PCDHGC5: variants seen among roughly 807,000 people sequenced by gnomAD.
PCDHGC5 encodes the protein protocadherin gamma-C5.
A neutral mutation model predicts 59.0 loss-of-function variants in PCDHGC5; 25 were observed. That is an observed-to-expected ratio of 0.42 (90% confidence interval 0.31 to 0.59). The LOEUF (loss-of-function observed/expected upper bound fraction) is 0.59. Ranked by LOEUF, PCDHGC5 falls within the 20% of genes least tolerant of loss-of-function variation. PCDHGC5 has a pLI of 0.13. For synonymous variants in PCDHGC5, 434 were observed against 505.5 expected, an observed-to-expected ratio of 0.86 and a Z score of 1.90; for missense variants, 1,067 against 1,206.4, an observed-to-expected ratio of 0.88 and a Z score of 1.71.
At chr5:141,509,968 C>A (rs1450809995) in intron 3 of PCDHGC5, among the ~76,000 whole-genome samples, 1 of 152,166 alleles carries the variant, frequency 6.6e-6, no homozygotes, top group Non-Finnish European at 1.5e-5. Context: ...TGGCCTTGGT[C>A]CTTCTAACAC....
At position 141,511,211 on chromosome 5, in the gene PCDHGC5, C is replaced by G; in HGVS notation, c.*38C>G. ...GCCAAGAGCCACAGGGCGGCCTCTC[C>G]CCAACCAGCCCAGCTTCTCCTTACC... On this transcript the variant is annotated 3_prime_UTR_variant, in exon 4 of 4. Transcript: ENST00000252087. The G allele has an allele frequency of 6.2e-7, 1 of 1,608,626 alleles. No individual in the cohort carries two copies. The highest frequency in any genetic ancestry group is 8.5e-7 in the Non-Finnish European group (1 of 1,177,476).
At chr5:141,504,660 C>T (rs1002186811) in intron 2 of PCDHGC5, among the ~76,000 whole-genome samples, 8 of 101,980 alleles carry the variant, frequency 7.8e-5, no homozygotes, top group Admixed American at 5.7e-4. Flanking sequence ...TGTTTGAGGG[C>T]GGGGGGTGGG....
Position 141,505,350 on chromosome 5 carries a change from G to A in PCDHGC5, c.2520-43G>A, listed in dbSNP as rs367663588. ...AGAGGACAGGAGGGGCATGAGCTGT[G>A]CCGGCCTGGGAGTCTGTGCTCACCA... On this transcript the variant is annotated intron_variant, in intron 2 of 3. Transcript: ENST00000252087. The A allele has an allele frequency of 4.3e-6, 7 of 1,613,264 alleles. No homozygotes were observed. In the African/African-American group the frequency reaches 6.7e-5, roughly 15 times the overall value.
At chr5:141,498,919 C>A (rs897611505) in intron 2 of PCDHGC5, among the ~76,000 whole-genome samples, 1 of 122,240 alleles carries the variant, frequency 8.2e-6, no homozygotes. Context: ...GGTGACAGAG[C>A]GAGACTCCAT....
chr5:141,508,241 T>G (rs1475142426), intron 3 of PCDHGC5: 2 of 152,286 alleles, frequency 1.3e-5, no homozygotes, highest in East Asian at 3.9e-4. Context: ...CTCCTAAGTC[T>G]GCCTCTCCTG....
intron 2 of PCDHGC5, among the ~76,000 whole-genome samples, chr5:141,500,431 G>A (rs1340129330): frequency 6.6e-6 from 1 of 151,476 alleles, no homozygotes; most frequent in Non-Finnish European, 1.5e-5. Flanking sequence ...GGATGGTCTC[G>A]ATCTCCTGAC....
At chr5:141,500,278 G>A (rs1338703900) in intron 2 of PCDHGC5, among the ~76,000 whole-genome samples, 2 of 150,508 alleles carry the variant, frequency 1.3e-5, no homozygotes, top group East Asian at 2.0e-4. Context: ...GCGCAATCTC[G>A]GCTCACTGCA....
Position 141,510,974 on chromosome 5 carries a change from G to T in PCDHGC5, c.2636G>T (p.Gly879Val). The T allele has an allele frequency of 6.2e-7, 1 of 1,614,150 alleles. No homozygotes were observed. The highest frequency in any genetic ancestry group is 1.1e-5 in the South Asian group (1 of 91,088). ...SEAADGSSTL[G>V]GGAGTMGLSA... ...GCTGCTGATGGGAGCTCCACCCTGG[G>T]AGGGGGTGCCGGCACCATGGGATTG... is the stretch of plus-strand genomic sequence containing the variant. The change falls in exon 4 of 4, where the codon GGA becomes GTA. Residue 879 changes from glycine (G) to valine (V), a missense_variant. Physicochemically the swap from Gly to Val is moderately radical, Grantham distance 109. Transcript: ENST00000252087.
chr5:141,492,501 G>A (rs551410616), intron 1 of PCDHGC5, among the ~76,000 whole-genome samples: 8 of 152,302 alleles, frequency 5.3e-5, no homozygotes, highest in East Asian at 1.9e-4. Flanking sequence ...CGAGGACTCC[G>A]GAGCCTCCTC....
rs1299979776 is a variant in PCDHGC5 at position 141,512,453 on chromosome 5, G to GC, written c.*1282dup. On this transcript the variant is annotated 3_prime_UTR_variant, in exon 4 of 4. Transcript: ENST00000252087. ...TCCTGAAGCCTCAGTCCTTCACCTT[G>GC]CCAGGTGCCGTTTCTCTTCCGTGAA... The GC allele has an allele frequency of 6.5e-6, 1 of 152,880 alleles. No homozygotes were observed. The allele number at this position is 152,880 out of a possible 1,614,324, so 9.5% of individuals were successfully genotyped here.
rs1256615029 is a variant in PCDHGC5 at position 141,512,740 on chromosome 5, C to T, written c.*1567C>T. ...GCGGGTGGGCAGCGGGCGGCGGGCT[C>T]CGCGCAGCCGTCTGTCCTTGATCTG... On this transcript the variant is annotated 3_prime_UTR_variant, in exon 4 of 4. Transcript: ENST00000252087. 1 of 152,788 alleles carries T rather than the reference C, an allele frequency of 6.5e-6. No individual in the cohort carries two copies. The highest frequency in any genetic ancestry group is 1.5e-5 in the Non-Finnish European group (1 of 68,570). The allele number at this position is 152,788 out of a possible 1,614,324, so 9.5% of individuals were successfully genotyped here.
In PCDHGC5 at chr5:141,511,345, TCC is replaced by T; in HGVS notation, c.*178_*179del. 1 of 1,410,484 alleles carries T rather than the reference TCC, an allele frequency of 7.1e-7. No homozygotes were observed. The highest frequency in any genetic ancestry group is 9.4e-7 in the Non-Finnish European group (1 of 1,060,658). The allele number at this position is 1,410,484 out of a possible 1,614,324, so 87.4% of individuals were successfully genotyped here. On this transcript the variant is annotated 3_prime_UTR_variant, in exon 4 of 4. Coordinates refer to ENST00000252087, the MANE Select transcript of PCDHGC5 (RefSeq NM_018929.3). ...AAGTGCCCAGTCAGCACCTACCCCT[TCC>T]CCCCCAGGGGGTTGAATATGCAAAA... is the stretch of plus-strand genomic sequence containing the variant.
At chr5:141,509,094 T>C (rs1038935185) in intron 3 of PCDHGC5, among the ~76,000 whole-genome samples, 4 of 152,152 alleles carry the variant, frequency 2.6e-5, no homozygotes, top group African/African-American at 9.7e-5. Context: ...AAATGGGGGC[T>C]GTAGAAACCT....
At position 141,491,942 on chromosome 5, in the gene PCDHGC5, C is replaced by T. The variant is rs932715298; in HGVS notation, c.2460+242C>T. 6.4e-5 allele frequency: 72 copies of T among 1,122,376 alleles called. No individual in the cohort carries two copies. Among genetic ancestry groups the T allele is most frequent in the Admixed American group, 3.5e-5 (1 of 28,738 alleles). 69.5% of individuals were successfully genotyped at this position (1,122,376 alleles called of 1,614,324 possible). A position where few individuals can be genotyped will look rare whatever the true frequency, so the allele number is the denominator to read the frequency against. ...GGCGAGGGGAGGTGGGACCGACCCC[C>T]ACCCCTACACTCAAAAAAGGCCGGG... is the stretch of plus-strand genomic sequence containing the variant. On this transcript the variant is annotated intron_variant, in intron 1 of 3. Transcript: ENST00000252087. The surrounding 1 kb of genome is among the most constrained non-coding windows in gnomAD (Gnocchi z 6.9).
intron 2 of PCDHGC5, 58 bp downstream of exon 2, chr5:141,494,923 G>T: frequency 6.2e-7 from 1 of 1,613,698 alleles, no homozygotes; most frequent in Non-Finnish European, 8.5e-7. Context: ...CAGGGATGAC[G>T]TGGGAGGAGA....
chr5:141,490,730 A>C lies in PCDHGC5; in HGVS notation c.1490A>C (p.Gln497Pro). Residue 497 changes from glutamine (Q) to proline (P), a missense_variant, in exon 1 of 4, where the codon CAG (glutamine) becomes CCG (proline). Coordinates refer to ENST00000252087, the MANE Select transcript of PCDHGC5 (RefSeq NM_018929.3). This position sits in a 1 kb window ranked among gnomAD's most constrained non-coding sequence, Gnocchi z 5.4. ...CTCACCTACTCCATTGTAGGAAATC[A>C]GGTTCAGGGAGCCCCAGCCTCCTCC... ...ARLTYSIVGN[Q>P]VQGAPASSFV... 6.2e-7 allele frequency: 1 copy of C among 1,614,188 alleles called. No homozygotes were observed. Among genetic ancestry groups the C allele is most frequent in the Non-Finnish European group, 8.5e-7 (1 of 1,180,024 alleles).
Position 141,489,629 on chromosome 5 carries a change from C to T in PCDHGC5, c.389C>T (p.Ser130Phe). Reference sequence around the variant, plus strand: ...GAGATCCTGGATCTCAATGACAACTCTCCTAGCTTTGCCACCCCTGAGCGA... The same window carrying T: ...GAGATCCTGGATCTCAATGACAACTTTCCTAGCTTTGCCACCCCTGAGCGA... ...EVEILDLNDN[S>F]PSFATPEREM... is the part of the protein sequence containing the mutation. Residue 130 changes from serine (S) to phenylalanine (F), a missense_variant, in exon 1 of 4, where the codon TCT (serine) becomes TTT (phenylalanine). By Grantham distance (155) the Ser-to-Phe change is radical. Transcript: ENST00000252087. This position sits in a 1 kb window ranked among gnomAD's most constrained non-coding sequence, Gnocchi z 4.5. 6.2e-7 allele frequency: 1 copy of T among 1,614,142 alleles called. No homozygotes were observed. The highest frequency in any genetic ancestry group is 1.7e-5 in the Admixed American group (1 of 60,032).
At position 141,489,783 on chromosome 5, in the gene PCDHGC5, T is replaced by C; in HGVS notation, c.543T>C (p.Asn181=). The C allele has an allele frequency of 6.2e-7, 1 of 1,614,164 alleles. No individual in the cohort carries two copies. The change falls in exon 1 of 4, where the codon AAT becomes AAC. Residue 181 remains asparagine, a synonymous_variant. Transcript: ENST00000252087. The surrounding 1 kb of genome is among the most constrained non-coding windows in gnomAD (Gnocchi z 4.5). ...TLSPNSHFSL[N]VKTLKDGKPF... ...GCCCCAACAGCCACTTCTCTCTGAA[T>C]GTGAAGACCCTAAAAGATGGGAAGC... is the stretch of plus-strand genomic sequence containing the variant.
At chr5:141,506,213 A>G (rs2154593866) in intron 3 of PCDHGC5, among the ~76,000 whole-genome samples, 1 of 152,204 alleles carries the variant, frequency 6.6e-6, no homozygotes, top group South Asian at 2.1e-4. Flanking sequence ...CACTTTGGGA[A>G]GCTGAGGCAG....
Sources: gnomAD v4.1 joint callset for allele counts (sites outside exome capture counted in the v4.1 genomes callset) on GRCh38, gnomAD v4.1.1 for gene constraint, Gnocchi (gnomAD v3.1) non-coding constraint, MANE v1.5 for transcripts, NCBI Gene and HGNC (gene_info 2026-07-23, HGNC 2026-07-21) for gene names.